Variants in LUC7L2 observed in about 807,000 individuals in gnomAD.
LUC7L2 encodes putative RNA-binding protein Luc7-like 2.
In LUC7L2, 25 loss-of-function variants were observed where a neutral mutation model predicts 52.8. The observed-to-expected ratio is 0.47, with a 90% CI of 0.34 to 0.66. The LOEUF is 0.66. Ranked by LOEUF, LUC7L2 falls within the 30% of genes least tolerant of loss-of-function variation. LUC7L2 has a pLI of 0.01. For missense variants in LUC7L2, 328 were observed against 497.8 expected, an observed-to-expected ratio of 0.66 and a Z score of 3.25; for synonymous variants, 144 against 160.9, an observed-to-expected ratio of 0.89 and a Z score of 0.80.
chr7:139,416,040 AATATATATATATATATAT>A lies in LUC7L2; in HGVS notation c.810-1465_810-1448del, dbSNP rs66498771. 977 of 97,822 alleles carry A rather than the reference AATATATATATATATATAT, an allele frequency of 1.0e-2. 18 individuals are homozygous for A. Among genetic ancestry groups the A allele is most frequent in the Non-Finnish European group, 0.016 (671 of 40,980 alleles). The allele number at this position is 97,822 out of a possible 1,614,324, so 6.1% of individuals were successfully genotyped here. A position where few individuals can be genotyped will look rare whatever the true frequency, so the allele number is the denominator to read the frequency against. ...ATTTAAGAGTTTTATTGAGGTATAA[AATATATATATATATATAT>A]ATATATATATATATATATATATATA... On this transcript the variant is annotated intron_variant, in intron 8 of 9. Transcript: ENST00000354926.
upstream of LUC7L2, chr7:139,359,438 C>A (rs545946850): frequency 1.8e-4 from 31 of 171,420 alleles, no homozygotes; most frequent in African/African-American, 7.1e-4. Context: ...TGCTCCCGGC[C>A]GGGAAAGGCG....
chr7:139,407,106 A>C (rs566335847), intron 5 of LUC7L2, 68 bp from the exon 6 acceptor site: 8 of 1,453,860 alleles, frequency 5.5e-6, no homozygotes, highest in Admixed American at 4.6e-5. Flanking sequence ...TAAGCATAGT[A>C]TATTTTATTT....
At chr7:139,375,324 A>G (rs1041456960) in intron 1 of LUC7L2, 4 of 985,440 alleles carry the variant, frequency 4.1e-6, no homozygotes, top group Non-Finnish European at 4.8e-6. Context: ...GAATTTAAAT[A>G]TACCCAGTTT....
chr7:139,422,402 T>C lies in LUC7L2; in HGVS notation c.*62T>C, dbSNP rs1795946758. On this transcript the variant is annotated 3_prime_UTR_variant, in exon 10 of 10. Coordinates refer to ENST00000354926, the MANE Select transcript of LUC7L2 (RefSeq NM_016019.5). ...ACGGAGTTACGTACTATTGTTTAGT[T>C]CACAGCTGTTCAGGGTGACAGTGAG... is the stretch of plus-strand genomic sequence containing the variant. 2 of 1,537,318 alleles carry C rather than the reference T, an allele frequency of 1.3e-6. No homozygotes were observed. Among genetic ancestry groups the C allele is most frequent in the African/African-American group, 1.4e-5 (1 of 72,758 alleles).
chr7:139,396,944 A>C (rs912627301), intron 2 of LUC7L2, among the ~76,000 whole-genome samples: 2 of 152,210 alleles, frequency 1.3e-5, no homozygotes, highest in African/African-American at 2.4e-5. Context: ...TATCTGGTCT[A>C]TTAATACTTT....
At chr7:139,409,700 C>A in intron 7 of LUC7L2, 46 bp downstream of exon 7, 2 of 1,518,336 alleles carry the variant, frequency 1.3e-6, no homozygotes, top group Non-Finnish European at 1.8e-6. Flanking sequence ...CTCTGTGGTT[C>A]TAAAAAGAGA....
At chr7:139,374,415 T>C in intron 1 of LUC7L2, 1 of 1,550,858 alleles carries the variant, frequency 6.4e-7, no homozygotes, top group Non-Finnish European at 8.7e-7. Flanking sequence ...AATGTATCTA[T>C]GCCTGCCTAC....
intron 2 of LUC7L2, among the ~76,000 whole-genome samples, chr7:139,388,801 A>G (rs1199266425): frequency 6.6e-6 from 1 of 152,008 alleles, no homozygotes; most frequent in African/African-American, 2.4e-5. Flanking sequence ...GAAATACTTG[A>G]AACCCTGAAG....
chr7:139,407,679 T>C (rs1795183524), intron 6 of LUC7L2, among the ~76,000 whole-genome samples: 1 of 147,056 alleles, frequency 6.8e-6, no homozygotes, highest in Admixed American at 6.6e-5. Context: ...TGTAATAATA[T>C]AATATTTATA....
rs35223286 is a variant in LUC7L2, at chr7:139,346,045, C to G, written c.-26+5528C>G. ...CTGAGGTTGGGAGTTCGCGACCAGCCTGACCAACATGGAAAAACCCCGTCT... is the reference window on the plus strand; with the variant it reads ...CTGAGGTTGGGAGTTCGCGACCAGCGTGACCAACATGGAAAAACCCCGTCT... On this transcript the variant is annotated intron_variant, in intron 1 of 10. Transcript: ENST00000541170. 388 of 166,184 alleles carry G rather than the reference C, an allele frequency of 2.3e-3. 2 individuals carry two copies. Among genetic ancestry groups the G allele is most frequent in the Admixed American group, 6.4e-3 (103 of 16,212 alleles). 10.3% of individuals were successfully genotyped at this position (166,184 alleles called of 1,614,324 possible).
chr7:139,380,861 T>G (rs1199959181), intron 2 of LUC7L2, among the ~76,000 whole-genome samples: 1 of 152,218 alleles, frequency 6.6e-6, no homozygotes, highest in African/African-American at 2.4e-5. Flanking sequence ...TATTTCCATC[T>G]AGTTCCTAGT....
intron 2 of LUC7L2, among the ~76,000 whole-genome samples, chr7:139,383,106 A>G (rs1217881861): frequency 6.7e-6 from 1 of 149,934 alleles, no homozygotes; most frequent in Non-Finnish European, 1.5e-5. Context: ...TTGTATTTGT[A>G]TTTTTATTTT....
chr7:139,412,468 A>G (rs1364761953), intron 7 of LUC7L2, 83 bp from the exon 8 acceptor site: 20 of 1,491,076 alleles, frequency 1.3e-5, no homozygotes, highest in Middle Eastern at 1.9e-4. Flanking sequence ...TAAACATTAG[A>G]AATCAGGAAG....
intron 1 of LUC7L2, chr7:139,371,254 G>A (rs145312497): frequency 1.9e-4 from 114 of 613,064 alleles, no homozygotes; most frequent in African/African-American, 1.7e-3. Flanking sequence ...GATTGTTTTT[G>A]TAAATTGCTT....
chr7:139,400,139 CG>C (rs11350804), intron 3 of LUC7L2, among the ~76,000 whole-genome samples: 58,206 of 151,780 alleles, frequency 0.38, 15,567 homozygotes, highest in African/African-American at 0.76. Context: ...TTTGGCCTTG[CG>C]GGGGTATTTT....
chr7:139,408,672 T>C (rs937268339), intron 6 of LUC7L2, among the ~76,000 whole-genome samples: 2 of 151,836 alleles, frequency 1.3e-5, no homozygotes, highest in Non-Finnish European at 2.9e-5. Flanking sequence ...TGAAATCCTG[T>C]CTCTACTAAA....
In LUC7L2 at chr7:139,415,054, G is replaced by GTTT. The variant is rs1171809951; in HGVS notation, c.810-2457_810-2455dup. ...GGCACGTGCCACCATGCCCTGCTAA[G>GTTT]TTTTTTTTTTTTTTTTTTTTTTTTT... On this transcript the variant is annotated intron_variant, in intron 8 of 9. Transcript: ENST00000354926. Among the ~76,000 whole-genome samples the GTTT allele has an allele frequency of 2.3e-3, 125 of 54,148 alleles. 11 individuals are homozygous for GTTT. Among genetic ancestry groups the GTTT allele is most frequent in the South Asian group, 3.9e-3 (5 of 1,290 alleles). The allele number at this position is 54,148 out of a possible 152,430, so 35.5% of individuals were successfully genotyped here.
intron 2 of LUC7L2, among the ~76,000 whole-genome samples, chr7:139,380,927 A>G (rs1401935172): frequency 6.6e-6 from 1 of 152,240 alleles, no homozygotes; most frequent in Non-Finnish European, 1.5e-5. Context: ...AATATAAAGC[A>G]AAGATGTTAA....
At chr7:139,421,081 G>GT in intron 9 of LUC7L2, among the ~76,000 whole-genome samples, 1 of 152,314 alleles carries the variant, frequency 6.6e-6, no homozygotes, top group East Asian at 1.9e-4. Flanking sequence ...GATTACAGGC[G>GT]TGAGTCACCG....
Sources: allele counts gnomAD v4.1 joint callset (sites outside exome capture counted in the v4.1 genomes callset), GRCh38; gene constraint gnomAD v4.1.1; transcripts MANE v1.5; gene names NCBI Gene and HGNC (gene_info 2026-07-23, HGNC 2026-07-21).